CRLF3: variants seen among roughly 807,000 people sequenced by gnomAD.
CRLF3 encodes the protein cytokine receptor like factor 3, also known as cytokine receptor-like factor 3.
CRLF3 carries 33 observed loss-of-function variants against 55.0 expected under a neutral mutation model. The ratio of observed to expected loss-of-function variants is 0.60; its 90% CI spans 0.46 to 0.80. CRLF3 has a LOEUF of 0.80. Among genes scored for constraint, CRLF3 ranks in the 30% least tolerant of loss-of-function variants. The probability of loss-of-function intolerance (pLI) is 0.00; values close to 1 mark genes in which losing one functional copy is unlikely to be tolerated. For synonymous variants in CRLF3, 238 were observed against 196.8 expected (o/e 1.21, Z -1.75); for missense variants, 494 against 538.4 (o/e 0.92, Z 0.82).
Position 30,797,455 on chromosome 17 carries a change from A to G in CRLF3, c.338-57T>C, listed in dbSNP as rs1971935720. On this transcript the variant is annotated intron_variant, in intron 2 of 7. Transcript: ENST00000324238. ...GAAAATGGTCACATATAAAGTAATC[A>G]ACACAACTCATGTCTGGGTGGGTCT... 3 of 1,382,166 alleles carry G rather than the reference A, an allele frequency of 2.2e-6. No individual in the cohort carries two copies. The South Asian group carries it at 3.5e-5, about 16-fold the overall frequency. The allele number at this position is 1,382,166 out of a possible 1,614,324, so 85.6% of individuals were successfully genotyped here.
At chr17:30,797,288 C>T in intron 3 of CRLF3, 23 bp downstream of exon 3, 1 of 1,565,922 alleles carries the variant, frequency 6.4e-7, no homozygotes, top group Non-Finnish European at 8.8e-7. Context: ...AAAAGTAAGT[C>T]AAAAAGGCAC....
intron 1 of CRLF3, among the ~76,000 whole-genome samples, chr17:30,807,952 T>C (rs894684812): frequency 4.0e-4 from 61 of 152,296 alleles, no homozygotes; most frequent in Non-Finnish European, 5.0e-4. Context: ...AGAATTTCTG[T>C]GAAATAAATC....
intron 4 of CRLF3, among the ~76,000 whole-genome samples, chr17:30,794,608 G>A (rs1971877261): frequency 6.6e-6 from 1 of 151,950 alleles, no homozygotes; most frequent in African/African-American, 2.4e-5. Context: ...GGCCAGCCTA[G>A]GCAACACAGC....
chr17:30,793,375 G>T, intron 5 of CRLF3, 75 bp downstream of exon 5: 1 of 1,118,490 alleles, frequency 8.9e-7, no homozygotes, highest in Non-Finnish European at 1.3e-6. Context: ...GGTTGTCAGT[G>T]TGCTGCCCTT....
chr17:30,805,937 C>A (rs2142263826), intron 1 of CRLF3, among the ~76,000 whole-genome samples: 1 of 152,196 alleles, frequency 6.6e-6, no homozygotes, highest in East Asian at 1.9e-4. Context: ...GTGGGAGGAT[C>A]ACCTGAGCCC....
intron 1 of CRLF3, among the ~76,000 whole-genome samples, chr17:30,824,076 T>A (rs1056711739): frequency 5.3e-5 from 8 of 151,962 alleles, no homozygotes; most frequent in African/African-American, 1.9e-4. Flanking sequence ...CCTTCCAATA[T>A]CCATTTTGTC....
chr17:30,786,305 C>A (rs1208675868), intron 6 of CRLF3: 2 of 244,776 alleles, frequency 8.2e-6, no homozygotes, highest in Non-Finnish European at 1.6e-5. Context: ...GGTGGTGCGA[C>A]CTTGGCTCAC....
chr17:30,798,225 A>G (rs1439797754), intron 2 of CRLF3, among the ~76,000 whole-genome samples: 8 of 151,952 alleles, frequency 5.3e-5, no homozygotes, highest in Non-Finnish European at 1.2e-4. Flanking sequence ...TAAAAATACA[A>G]AAATTAGTTG....
At chr17:30,789,952 G>A (rs1256845336) in intron 6 of CRLF3, among the ~76,000 whole-genome samples, 1 of 151,738 alleles carries the variant, frequency 6.6e-6, no homozygotes, top group South Asian at 2.1e-4. Flanking sequence ...GAAAACTCAT[G>A]ATTACCTGGG....
At chr17:30,791,592 A>T (rs1238069115) in intron 6 of CRLF3, among the ~76,000 whole-genome samples, 1 of 148,548 alleles carries the variant, frequency 6.7e-6, no homozygotes, top group Non-Finnish European at 1.5e-5. Context: ...ATCTCGGCTC[A>T]CTGCAAGCTC....
chr17:30,799,865 C>T (rs773029396), intron 2 of CRLF3, among the ~76,000 whole-genome samples: 8 of 152,136 alleles, frequency 5.3e-5, no homozygotes, highest in Admixed American at 6.6e-5. Context: ...GTGTACACTC[C>T]TGGCCCGTGG....
At chr17:30,797,243 G>T in intron 3 of CRLF3, 68 bp downstream of exon 3, 1 of 1,070,758 alleles carries the variant, frequency 9.3e-7, no homozygotes, top group Non-Finnish European at 1.5e-6. Flanking sequence ...ATCTTGAACA[G>T]AGGGAGGAAA....
chr17:30,815,932 A>G (rs1278934804), intron 1 of CRLF3, among the ~76,000 whole-genome samples: 1 of 151,492 alleles, frequency 6.6e-6, no homozygotes, highest in Non-Finnish European at 1.5e-5. Flanking sequence ...TACCATATTT[A>G]AAGATGATTT....
chr17:30,800,832 T>C (rs992374311), intron 2 of CRLF3, among the ~76,000 whole-genome samples: 5 of 151,220 alleles, frequency 3.3e-5, no homozygotes, highest in East Asian at 1.9e-4. Context: ...TGGAGTGCCA[T>C]AGCACGATCT....
At chr17:30,814,888 C>G (rs982002818) in intron 1 of CRLF3, among the ~76,000 whole-genome samples, 1 of 151,120 alleles carries the variant, frequency 6.6e-6, no homozygotes, top group Admixed American at 6.6e-5. Flanking sequence ...GTAATGCCAG[C>G]TACTCGGAAG....
chr17:30,803,740 G>A (rs1438485729), intron 2 of CRLF3, 161 bp downstream of exon 2: 2 of 652,860 alleles, frequency 3.1e-6, no homozygotes, highest in Admixed American at 2.6e-5. Context: ...CATGTGAGAT[G>A]TGCCTTTCAC....
At position 30,814,651 on chromosome 17, in the gene CRLF3, C is replaced by T. The variant is rs549361228; in HGVS notation, c.129+9872G>A. On this transcript the variant is annotated intron_variant, in intron 1 of 7. Coordinates refer to ENST00000324238, the MANE Select transcript of CRLF3 (RefSeq NM_015986.4). ...CAGCCTGGGTGACAGAGCAAGACTC[C>T]ACCTCAAAAAAAAAAAAAATAGTTC... Among the ~76,000 whole-genome samples the T allele has an allele frequency of 3.1e-3, 457 of 148,920 alleles. 1 individual carries two copies. The highest frequency in any genetic ancestry group is 0.011 in the African/African-American group (439 of 40,544).
At chr17:30,800,628 CTT>C (rs919713606) in intron 2 of CRLF3, among the ~76,000 whole-genome samples, 31 of 151,442 alleles carry the variant, frequency 2.0e-4, no homozygotes, top group African/African-American at 7.0e-4. Flanking sequence ...AAAACTCTGT[CTT>C]GTTTTTTTGT....
At chr17:30,800,838 G>A (rs1255240590) in intron 2 of CRLF3, among the ~76,000 whole-genome samples, 5 of 146,968 alleles carry the variant, frequency 3.4e-5, no homozygotes, top group Admixed American at 7.0e-5. Context: ...GCCATAGCAC[G>A]ATCTAGGCTC....
Sources: allele counts gnomAD v4.1 joint callset (sites outside exome capture counted in the v4.1 genomes callset), GRCh38; gene constraint gnomAD v4.1.1; transcripts MANE v1.5; gene names NCBI Gene and HGNC (gene_info 2026-07-23, HGNC 2026-07-21).